DAZAP1: variants seen among roughly 807,000 people sequenced by gnomAD.
DAZAP1 encodes the protein DAZ-associated protein 1.
DAZAP1 carries 6 observed loss-of-function variants against 60.1 expected under a neutral mutation model. The observed-to-expected ratio is 0.10, with a 90% CI of 0.05 to 0.20. The LOEUF (loss-of-function observed/expected upper bound fraction) is 0.20, where lower values mean the gene tolerates loss of function less well. Among genes scored for constraint, DAZAP1 ranks in the 10% least tolerant of loss-of-function variants. The probability of loss-of-function intolerance (pLI) is 1.00; values close to 1 mark genes in which losing one functional copy is unlikely to be tolerated. For synonymous variants in DAZAP1, 235 were observed against 215.9 expected, an observed-to-expected ratio of 1.09 and a Z score of -0.78; for missense variants, 366 against 560.4, an observed-to-expected ratio of 0.65 and a Z score of 3.50.
chr19:1,427,279 G>A (rs1013059763), intron 7 of DAZAP1: 1 of 152,366 alleles, frequency 6.6e-6, no homozygotes, highest in African/African-American at 2.4e-5. Flanking sequence ...AAAGAGCTCT[G>A]TACAGTGCAC....
At chr19:1,412,248 C>T (rs1311904108) in intron 1 of DAZAP1, among the ~76,000 whole-genome samples, 1 of 152,140 alleles carries the variant, frequency 6.6e-6, no homozygotes, top group Non-Finnish European at 1.5e-5. Context: ...AGAGGGAGTC[C>T]AGGCTATGGA....
intron 4 of DAZAP1, among the ~76,000 whole-genome samples, chr19:1,419,358 G>C (rs1230457830): frequency 6.6e-6 from 1 of 152,238 alleles, no homozygotes; most frequent in Non-Finnish European, 1.5e-5. Flanking sequence ...TGCAGACCTG[G>C]AGGCCTGCTG....
chr19:1,430,254 G>GGGCCC lies in DAZAP1; in HGVS notation c.763_764insGGCCC (p.Ala255GlyfsTer82). On this transcript the variant is annotated frameshift_variant, in exon 10 of 12. Transcript: ENST00000233078. LOFTEE classifies it high-confidence loss of function. Reference sequence around the variant, plus strand: ...TGGACCGCCCCCTGCAGGAAGAGGAGCCCCCCCGCCACCCCCACCGTTCAC... The same window carrying GGGCCC: ...TGGACCGCCCCCTGCAGGAAGAGGAGGGCCCCCCCCCCGCCACCCCCACCGTTCAC... 27 of 1,295,202 alleles carry GGGCCC rather than the reference G, an allele frequency of 2.1e-5. No individual in the cohort carries two copies. The highest frequency in any genetic ancestry group is 2.8e-5 in the Non-Finnish European group (26 of 924,014). The allele number at this position is 1,295,202 out of a possible 1,614,324, so 80.2% of individuals were successfully genotyped here. A position where few individuals can be genotyped will look rare whatever the true frequency, so the allele number is the denominator to read the frequency against.
In DAZAP1 at chr19:1,432,917, C is replaced by T; in HGVS notation, c.1048+227C>T. ...TCGCAGCAGAGCACTCGTCATACAG[C>T]AGGTGCTGCAGGGCCTGCATGTGTG... On this transcript the variant is annotated intron_variant, in intron 11 of 11. Transcript: ENST00000233078. The surrounding 1 kb of genome is among the most constrained non-coding windows in gnomAD (Gnocchi z 4.9). 3.6e-6 allele frequency: 2 copies of T among 550,798 alleles called. No individual in the cohort carries two copies. Among genetic ancestry groups the T allele is most frequent in the East Asian group, 6.2e-5 (2 of 32,010 alleles). The allele number at this position is 550,798 out of a possible 1,614,324, so 34.1% of individuals were successfully genotyped here. A position where few individuals can be genotyped will look rare whatever the true frequency, so the allele number is the denominator to read the frequency against.
chr19:1,421,338 G>A (rs1335429367), intron 5 of DAZAP1, 80 bp downstream of exon 5: 1 of 1,302,058 alleles, frequency 7.7e-7, no homozygotes, highest in African/African-American at 1.5e-5. Flanking sequence ...GGGCTGGAGT[G>A]GCCGAGCCAC....
At position 1,426,323 on chromosome 19, in the gene DAZAP1, A is replaced by C; in HGVS notation, c.546+363A>C. 3.4e-6 allele frequency: 1 copy of C among 296,992 alleles called. No homozygotes were observed. Among genetic ancestry groups the C allele is most frequent in the Non-Finnish European group, 6.6e-6 (1 of 151,968 alleles). The allele number at this position is 296,992 out of a possible 1,614,324, so 18.4% of individuals were successfully genotyped here. On this transcript the variant is annotated intron_variant, in intron 7 of 11. Coordinates refer to ENST00000233078, the MANE Select transcript of DAZAP1 (RefSeq NM_018959.4). This position sits in a 1 kb window ranked among gnomAD's most constrained non-coding sequence, Gnocchi z 5.4. ...CGACCACTCCTTCAGATGTCTGCAA[A>C]TCCCCATTGTCTGACACTGACCTGT...
At position 1,410,602 on chromosome 19, in the gene DAZAP1, G is replaced by T. The variant is rs568868480; in HGVS notation, c.29+2800G>T. Among the ~76,000 whole-genome samples, 20 of 152,336 alleles carry T rather than the reference G, an allele frequency of 1.3e-4. No individual in the cohort carries two copies. In the South Asian group the frequency reaches 3.9e-3, roughly 30 times the overall value. The stretch of plus-strand genomic sequence containing the variant: ...GGATTCTGGGAAGCTGACACAGCGC[G>T]GCCGGGGTCGCCACATCCTGTTGAG... On this transcript the variant is annotated intron_variant, in intron 1 of 11. Coordinates refer to ENST00000233078, the MANE Select transcript of DAZAP1 (RefSeq NM_018959.4).
Position 1,428,085 on chromosome 19 carries a change from TCCCCGGCCCCGCA to T in DAZAP1, c.547-753_547-741del, listed in dbSNP as rs2083349667. 1 of 152,100 alleles carries T rather than the reference TCCCCGGCCCCGCA, an allele frequency of 6.6e-6. No homozygotes were observed. The highest frequency in any genetic ancestry group is 2.4e-5 in the African/African-American group (1 of 41,390). 9.4% of individuals were successfully genotyped at this position (152,100 alleles called of 1,614,324 possible). Reference sequence around the variant, plus strand: ...TAGGTCAGGCCTGCTCCATCCATTGTCCCCGGCCCCGCACCCTCCTCCTGAGAAGACTGTGGCT... The same window carrying T: ...TAGGTCAGGCCTGCTCCATCCATTGTCCCTCCTCCTGAGAAGACTGTGGCT... On this transcript the variant is annotated intron_variant, in intron 7 of 11. Transcript: ENST00000233078. This position sits in a 1 kb window ranked among gnomAD's most constrained non-coding sequence, Gnocchi z 4.0.
At chr19:1,429,832 C>T in intron 8 of DAZAP1, 135 bp from the exon 9 acceptor site, 1 of 1,066,608 alleles carries the variant, frequency 9.4e-7, no homozygotes, top group Non-Finnish European at 1.4e-6. Context: ...GCTCTGCCCT[C>T]AGGACGAACA....
intron 1 of DAZAP1, among the ~76,000 whole-genome samples, chr19:1,413,920 T>C (rs2082899264): frequency 6.6e-6 from 1 of 152,046 alleles, no homozygotes; most frequent in Non-Finnish European, 1.5e-5. Context: ...CTCTTGGCCC[T>C]GCCAGACTCA....
At chr19:1,421,494 GC>G (rs1406432917) in intron 5 of DAZAP1, among the ~76,000 whole-genome samples, 6 of 152,262 alleles carry the variant, frequency 3.9e-5, no homozygotes, top group Non-Finnish European at 8.8e-5. Flanking sequence ...CAGCCTGACA[GC>G]CTTCAGGGCG....
At chr19:1,413,610 G>A (rs912756483) in intron 1 of DAZAP1, among the ~76,000 whole-genome samples, 2 of 152,226 alleles carry the variant, frequency 1.3e-5, no homozygotes, top group Admixed American at 1.3e-4. Flanking sequence ...GGAAGCTTTA[G>A]CGTTAGAAGC....
At chr19:1,430,168 C>A in intron 9 of DAZAP1, 54 bp from the exon 10 acceptor site, 1 of 1,561,462 alleles carries the variant, frequency 6.4e-7, no homozygotes. Flanking sequence ...TAACTGTGGC[C>A]AGTCTGTGTT....
At chr19:1,415,199 G>A (rs1350389492) in intron 1 of DAZAP1, among the ~76,000 whole-genome samples, 9 of 152,032 alleles carry the variant, frequency 5.9e-5, no homozygotes, top group Admixed American at 5.9e-4. Context: ...GGACTGGTCT[G>A]ACGAGTTCCT....
At chr19:1,415,293 G>A (rs541772904) in intron 1 of DAZAP1, among the ~76,000 whole-genome samples, 2 of 150,730 alleles carry the variant, frequency 1.3e-5, no homozygotes, top group East Asian at 3.9e-4. Flanking sequence ...TGGGTGCAGT[G>A]CTGACTACAG....
At chr19:1,408,248 C>T (rs2082722222) in intron 1 of DAZAP1, among the ~76,000 whole-genome samples, 1 of 152,124 alleles carries the variant, frequency 6.6e-6, no homozygotes, top group Non-Finnish European at 1.5e-5. Context: ...CGAACGGGAA[C>T]TTGGGGGGGT....
Position 1,418,807 on chromosome 19 carries a change from C to T in DAZAP1, c.303+76C>T. The stretch of plus-strand genomic sequence containing the variant: ...AAAGGAAATGCGTGCCTTCAATCTG[C>T]TGTTGTCGCTCGTTAAGATTGAGGG... On this transcript the variant is annotated intron_variant, in intron 4 of 11. Transcript: ENST00000233078. This position sits in a 1 kb window ranked among gnomAD's most constrained non-coding sequence, Gnocchi z 5.7. 7.0e-7 allele frequency: 1 copy of T among 1,435,036 alleles called. No homozygotes were observed. Among genetic ancestry groups the T allele is most frequent in the Non-Finnish European group, 9.5e-7 (1 of 1,055,886 alleles). 88.9% of individuals were successfully genotyped at this position (1,435,036 alleles called of 1,614,324 possible).
At chr19:1,417,427 A>G in intron 1 of DAZAP1, 73 bp from the exon 2 acceptor site, 1 of 1,522,450 alleles carries the variant, frequency 6.6e-7, no homozygotes, top group Admixed American at 2.0e-5. Context: ...TTAAGACCTC[A>G]GCTTGGCTTG....
chr19:1,421,787 C>A (rs941465379), intron 5 of DAZAP1, among the ~76,000 whole-genome samples: 6 of 152,230 alleles, frequency 3.9e-5, no homozygotes, highest in Non-Finnish European at 5.9e-5. Context: ...ACACTCCGAG[C>A]CCCGCCAGCA....
Sources: allele counts gnomAD v4.1 joint callset (sites outside exome capture counted in the v4.1 genomes callset), GRCh38; gene constraint gnomAD v4.1.1; non-coding constraint Gnocchi (gnomAD v3.1); transcripts MANE v1.5; gene names NCBI Gene and HGNC (gene_info 2026-07-23, HGNC 2026-07-21).